SSU72L2: variants seen among roughly 807,000 people sequenced by gnomAD.
SSU72L2 encodes RNA polymerase II subunit A C-terminal domain phosphatase SSU72 like protein 2.
At chr11:4,241,682 ATGTTATTTATCTGCTGAATACCCTT>A in the SSU72L2 span, among the ~76,000 whole-genome samples, 3 of 146,402 alleles carry the variant, frequency 2.0e-5, 1 homozygote, top group Admixed American at 2.0e-4. Flanking sequence ...TATCTATACA[ATGTTATTTATCTGCTGAATACCCTT>A]AAACAAATCA....
chr11:4,241,978 T>C, the SSU72L2 span: 2 of 600,960 alleles, frequency 3.3e-6, no homozygotes, highest in Non-Finnish European at 5.9e-6. Context: ...TCTTTGTAGA[T>C]GCTTCTCACA....
At chr11:4,241,989 A>G in the SSU72L2 span, 5 of 604,712 alleles carry the variant, frequency 8.3e-6, 1 homozygote, top group South Asian at 8.1e-5. Flanking sequence ...GCTTCTCACA[A>G]TAAATCCGGA....
At chr11:4,241,777 G>T in the SSU72L2 span, among the ~76,000 whole-genome samples, 7 of 149,054 alleles carry the variant, frequency 4.7e-5, no homozygotes, top group Non-Finnish European at 1.0e-4. Flanking sequence ...GTCATGGTGG[G>T]CTAGCTTCCT....
the SSU72L2 span, among the ~76,000 whole-genome samples, chr11:4,241,814 G>T: frequency 6.7e-6 from 1 of 148,722 alleles, no homozygotes; most frequent in South Asian, 2.2e-4. Context: ...CATGAAATTA[G>T]TTATCCCATG....
chr11:4,241,798 T>C, the SSU72L2 span, among the ~76,000 whole-genome samples: 42 of 149,114 alleles, frequency 2.8e-4, no homozygotes, highest in Non-Finnish European at 4.4e-5. Context: ...TGTAGAATGA[T>C]ATAAGCATGA....
At chr11:4,242,002 A>C in the SSU72L2 span, 1 of 610,740 alleles carries the variant, frequency 1.6e-6, no homozygotes, top group Non-Finnish European at 2.9e-6. Context: ...AATCCGGACT[A>C]AAGTCCCATG....
the SSU72L2 span, chr11:4,242,035 G>C: frequency 1.6e-6 from 1 of 611,080 alleles, no homozygotes; most frequent in Non-Finnish European, 2.9e-6. Flanking sequence ...CTGAGGAAGG[G>C]GACAAAGCCA....
At chr11:4,242,241 CA>C in the SSU72L2 span, 1 of 634,778 alleles carries the variant, frequency 1.6e-6, no homozygotes, top group South Asian at 1.9e-5. Context: ...ATCACGTGCA[CA>C]GGCTGAAAGG....
chr11:4,242,704 A>G, the SSU72L2 span: 1 of 571,454 alleles, frequency 1.7e-6, no homozygotes, highest in Non-Finnish European at 3.1e-6. Flanking sequence ...CTCGGAGCCG[A>G]GGAGACGACC....
the SSU72L2 span, chr11:4,242,666 G>A: frequency 3.4e-6 from 2 of 579,780 alleles, no homozygotes; most frequent in African/African-American, 3.8e-5. Flanking sequence ...GAACCAGAGA[G>A]ACACAGGCAC....
the SSU72L2 span, among the ~76,000 whole-genome samples, chr11:4,241,680 C>T: frequency 0.026 from 3,832 of 145,908 alleles, 157 homozygotes; most frequent in Non-Finnish European, 0.042. Flanking sequence ...CTTATCTATA[C>T]AATGTTATTT....
the SSU72L2 span, chr11:4,241,940 A>G: frequency 4.6e-5 from 26 of 566,910 alleles, 1 homozygote; most frequent in African/African-American, 3.8e-4. Flanking sequence ...TGTGTACAAA[A>G]GTAACACAAA....
At chr11:4,241,836 G>A in the SSU72L2 span, among the ~76,000 whole-genome samples, 1 of 148,320 alleles carries the variant, frequency 6.7e-6, no homozygotes, top group East Asian at 2.0e-4. Context: ...AATGCACCTA[G>A]CACAATGCCA....
the SSU72L2 span, chr11:4,242,465 G>T: frequency 1.3e-6 from 1 of 778,184 alleles, no homozygotes; most frequent in African/African-American, 1.7e-5. Flanking sequence ...CTTATATGTT[G>T]TTGCAAAATC....
chr11:4,241,929 A>G, the SSU72L2 span: 1 of 541,550 alleles, frequency 1.8e-6, no homozygotes, highest in East Asian at 3.0e-5. Flanking sequence ...TTTCCAGGTG[A>G]TGTGTACAAA....
At chr11:4,241,767 G>T in the SSU72L2 span, among the ~76,000 whole-genome samples, 2 of 148,598 alleles carry the variant, frequency 1.3e-5, no homozygotes, top group East Asian at 4.0e-4. Flanking sequence ...GGAAAATGGC[G>T]TCATGGTGGG....
chr11:4,242,082 AG>A, the SSU72L2 span: 1 of 606,978 alleles, frequency 1.6e-6, no homozygotes, highest in Non-Finnish European at 2.9e-6. Flanking sequence ...GTGTGAAGAA[AG>A]CTTTTTCCTG....
At chr11:4,241,716 C>T in the SSU72L2 span, among the ~76,000 whole-genome samples, 15 of 147,046 alleles carry the variant, frequency 1.0e-4, no homozygotes, top group East Asian at 2.6e-3. Context: ...TTAAACAAAT[C>T]ATTTTTCAAG....
At chr11:4,242,540 C>A in the SSU72L2 span, 2 of 763,600 alleles carry the variant, frequency 2.6e-6, no homozygotes. Flanking sequence ...TCCAAAAGAC[C>A]GGACACTTAG....
Sources: allele counts gnomAD v4.1 joint callset (sites outside exome capture counted in the v4.1 genomes callset), GRCh38; gene constraint gnomAD v4.1.1; transcripts MANE v1.5; gene names NCBI Gene and HGNC (gene_info 2026-07-23, HGNC 2026-07-21).